Variants in CLDN10 observed in about 807,000 individuals in gnomAD.
CLDN10 encodes claudin-10.
CLDN10 carries 15 observed loss-of-function variants against 22.9 expected under a neutral mutation model. The observed-to-expected ratio is 0.65, with a 90% CI of 0.44 to 1.01. The LOEUF (loss-of-function observed/expected upper bound fraction) is 1.01, where lower values mean the gene tolerates loss of function less well. Ranked by LOEUF, CLDN10 falls within the 50% of genes least tolerant of loss-of-function variation. CLDN10 has a pLI of 0.00. For synonymous variants in CLDN10, 114 were observed against 111.4 expected (o/e 1.02, Z -0.15); for missense variants, 247 against 287.8 (o/e 0.86, Z 1.03).
chr13:95,452,141 G>A (rs888146663), intron 1 of CLDN10, among the ~76,000 whole-genome samples: 3 of 152,038 alleles, frequency 2.0e-5, no homozygotes, highest in Non-Finnish European at 4.4e-5. Flanking sequence ...TGTTATCAAT[G>A]GCAATTTCCG....
chr13:95,545,549 GA>G (rs994603530), intron 1 of CLDN10, among the ~76,000 whole-genome samples: 1 of 151,838 alleles, frequency 6.6e-6, no homozygotes, highest in African/African-American at 2.4e-5. Context: ...AAACATAAAA[GA>G]AAAAAAGTAG....
At chr13:95,542,046 A>G (rs1170232326) in intron 1 of CLDN10, among the ~76,000 whole-genome samples, 2 of 152,228 alleles carry the variant, frequency 1.3e-5, no homozygotes, top group African/African-American at 4.8e-5. Flanking sequence ...ATTGCGGAAG[A>G]TGAAGTGGAA....
Position 95,578,025 on chromosome 13 carries a change from T to A in CLDN10, c.*11T>A, listed in dbSNP as rs1325774. 4.0e-6 allele frequency: 6 copies of A among 1,513,506 alleles called. No individual in the cohort carries two copies. The highest frequency in any genetic ancestry group is 1.7e-4 in the Middle Eastern group (1 of 5,862). 93.8% of individuals were successfully genotyped at this position (1,513,506 alleles called of 1,614,324 possible). ...AATGCTTATGTCTAAAAGAGCTCGC[T>A]GGCAAGCTGCCTCTTGAGTTTGTTA... On this transcript the variant is annotated 3_prime_UTR_variant, in exon 5 of 5. Transcript: ENST00000299339.
chr13:95,539,003 C>T (rs1048281274), intron 1 of CLDN10, among the ~76,000 whole-genome samples: 2 of 152,164 alleles, frequency 1.3e-5, no homozygotes, highest in Non-Finnish European at 2.9e-5. Context: ...CCTCAGCCTC[C>T]CGAGTAGCTG....
intron 1 of CLDN10, among the ~76,000 whole-genome samples, chr13:95,547,484 G>A (rs1335376580): frequency 1.3e-5 from 2 of 152,194 alleles, no homozygotes; most frequent in African/African-American, 4.8e-5. Flanking sequence ...ACAAGGAAAT[G>A]AGAGGCATGA....
At chr13:95,556,099 G>T (rs144451472) in intron 1 of CLDN10, among the ~76,000 whole-genome samples, 171 of 151,950 alleles carry the variant, frequency 1.1e-3, no homozygotes, top group Middle Eastern at 0.01. Flanking sequence ...AGGACAGAGT[G>T]CCATGGCATG....
At chr13:95,453,950 C>T (rs1391058364) in intron 1 of CLDN10, among the ~76,000 whole-genome samples, 3 of 151,458 alleles carry the variant, frequency 2.0e-5, no homozygotes, top group Non-Finnish European at 4.4e-5. Context: ...ATCTCATTCC[C>T]CTATGCTGGC....
At chr13:95,512,326 T>A (rs193032576) in intron 1 of CLDN10, among the ~76,000 whole-genome samples, 1 of 151,558 alleles carries the variant, frequency 6.6e-6, no homozygotes, top group African/African-American at 2.4e-5. Context: ...ATATGAGCAA[T>A]GTGTTTGACC....
At chr13:95,577,841 C>T in intron 4 of CLDN10, 59 bp from the exon 5 acceptor site, 1 of 1,052,822 alleles carries the variant, frequency 9.5e-7, no homozygotes, top group Non-Finnish European at 1.4e-6. Context: ...CAGTTTCTTC[C>T]CATTTTTGTT....
chr13:95,434,182 G>A, intron 1 of CLDN10: 1 of 719,528 alleles, frequency 1.4e-6, no homozygotes, highest in South Asian at 1.7e-5. Flanking sequence ...ATTTGCCTAG[G>A]AAGGATGGGG....
chr13:95,538,566 A>G (rs997704944), intron 1 of CLDN10, among the ~76,000 whole-genome samples: 1 of 152,070 alleles, frequency 6.6e-6, no homozygotes, highest in East Asian at 1.9e-4. Flanking sequence ...TTCATCACGC[A>G]CCCCATGCAG....
intron 3 of CLDN10, among the ~76,000 whole-genome samples, chr13:95,573,415 A>G (rs1435828083): frequency 6.6e-6 from 1 of 152,248 alleles, no homozygotes; most frequent in Non-Finnish European, 1.5e-5. Flanking sequence ...AGTCATAAAG[A>G]GGGCACACTC....
chr13:95,569,923 C>T (rs1024033045), intron 3 of CLDN10, among the ~76,000 whole-genome samples: 2 of 152,070 alleles, frequency 1.3e-5, no homozygotes, highest in Non-Finnish European at 2.9e-5. Context: ...CGCCCGCCAC[C>T]GCGCCCGGCT....
intron 1 of CLDN10, among the ~76,000 whole-genome samples, chr13:95,486,671 C>G (rs979082593): frequency 3.3e-5 from 5 of 152,186 alleles, no homozygotes; most frequent in African/African-American, 1.2e-4. Context: ...GAACCTGCCT[C>G]ACAGGCATCT....
At chr13:95,513,484 CA>C (rs1017452076) in intron 1 of CLDN10, among the ~76,000 whole-genome samples, 3 of 152,200 alleles carry the variant, frequency 2.0e-5, no homozygotes, top group African/African-American at 7.2e-5. Flanking sequence ...ACCCCTCTAA[CA>C]AACGCTTCCA....
intron 1 of CLDN10, among the ~76,000 whole-genome samples, chr13:95,510,488 T>C (rs1002510215): frequency 2.6e-5 from 4 of 152,182 alleles, no homozygotes; most frequent in Non-Finnish European, 4.4e-5. Flanking sequence ...TTGTTTTCTG[T>C]TTTCCCGGGT....
At chr13:95,508,721 C>T (rs1449950008) in intron 1 of CLDN10, among the ~76,000 whole-genome samples, 3 of 152,230 alleles carry the variant, frequency 2.0e-5, no homozygotes, top group South Asian at 4.1e-4. Flanking sequence ...ACTTCCTTTT[C>T]GAGGTGATTG....
intron 1 of CLDN10, among the ~76,000 whole-genome samples, chr13:95,460,833 G>A (rs2042529417): frequency 6.6e-6 from 1 of 152,108 alleles, no homozygotes; most frequent in African/African-American, 2.4e-5. Flanking sequence ...TTTTAGCTGG[G>A]TGCGGTGGCT....
chr13:95,577,419 G>C, intron 4 of CLDN10, 81 bp downstream of exon 4: 1 of 907,994 alleles, frequency 1.1e-6, no homozygotes, highest in Non-Finnish European at 1.8e-6. Flanking sequence ...ATTACAGATA[G>C]TTCATATGAT....
Sources: allele counts gnomAD v4.1 joint callset (sites outside exome capture counted in the v4.1 genomes callset), GRCh38; gene constraint gnomAD v4.1.1; transcripts MANE v1.5; gene names NCBI Gene and HGNC (gene_info 2026-07-23, HGNC 2026-07-21).